CSMD1: variants seen among roughly 807,000 people sequenced by gnomAD.
The protein encoded by CSMD1 is CUB and Sushi multiple domains 1.
CSMD1 carries 213 observed loss-of-function variants against 417.5 expected under a neutral mutation model. The observed-to-expected ratio is 0.51, with a 90% CI of 0.46 to 0.57. The LOEUF is 0.57. Among genes scored for constraint, CSMD1 ranks in the 20% least tolerant of loss-of-function variants. The pLI, the probability that CSMD1 is intolerant of heterozygous loss-of-function variation, is 0.00. For missense variants in CSMD1, 6,923 were observed against 4,529.7 expected, an observed-to-expected ratio of 1.53 and a Z score of -15.17; for synonymous variants, 2,862 against 1,736.8, an observed-to-expected ratio of 1.65 and a Z score of -16.11.
intron 3 of CSMD1, among the ~76,000 whole-genome samples, chr8:4,102,687 C>G (rs897065917): frequency 6.6e-6 from 1 of 152,148 alleles, no homozygotes; most frequent in Non-Finnish European, 1.5e-5. Flanking sequence ...AGGACATTTA[C>G]TGATAATGTT....
Position 3,015,558 on chromosome 8 carries a change from T to C in CSMD1, c.8029+2919A>G, listed in dbSNP as rs141600862. ...CTTATGAATACCCATCTCATAACAA[T>C]AGTAAACAAAAAAAAGGACCCAAAC... On this transcript the variant is annotated intron_variant, in intron 52 of 69. Transcript: ENST00000635120. Among the ~76,000 whole-genome samples, 668 of 151,998 alleles carry C rather than the reference T, an allele frequency of 4.4e-3. 4 individuals carry two copies. The highest frequency in any genetic ancestry group is 7.7e-3 in the Non-Finnish European group (525 of 67,960).
chr8:4,804,449 T>A (rs1318932793), intron 1 of CSMD1, among the ~76,000 whole-genome samples: 3 of 151,286 alleles, frequency 2.0e-5, no homozygotes, highest in Non-Finnish European at 4.4e-5. Context: ...TATACAGACT[T>A]CGGTGTAGAT....
intron 6 of CSMD1, among the ~76,000 whole-genome samples, chr8:3,747,955 C>T (rs1563336594): frequency 6.6e-6 from 1 of 152,024 alleles, no homozygotes; most frequent in African/African-American, 2.4e-5. Context: ...ACTTTTCTTC[C>T]GTTTGTCTAG....
At chr8:4,447,293 G>C (rs1034714032) in intron 2 of CSMD1, among the ~76,000 whole-genome samples, 1 of 152,160 alleles carries the variant, frequency 6.6e-6, no homozygotes, top group Non-Finnish European at 1.5e-5. Flanking sequence ...GTCTGAGGCA[G>C]ACCGTGATCA....
intron 2 of CSMD1, among the ~76,000 whole-genome samples, chr8:4,457,378 C>T (rs991964785): frequency 1.3e-5 from 2 of 152,000 alleles, no homozygotes; most frequent in African/African-American, 2.4e-5. Context: ...TGGGGCTTCC[C>T]GAGGTCTGGA....
At chr8:4,130,377 C>T (rs1585380756) in intron 3 of CSMD1, among the ~76,000 whole-genome samples, 1 of 152,200 alleles carries the variant, frequency 6.6e-6, no homozygotes, top group East Asian at 1.9e-4. Flanking sequence ...ATCCTAATTC[C>T]TTGTAAAATA....
intron 7 of CSMD1, among the ~76,000 whole-genome samples, chr8:3,667,112 T>C (rs1798734103): frequency 2.0e-5 from 3 of 152,248 alleles, no homozygotes; most frequent in East Asian, 3.9e-4. Flanking sequence ...CTTGTAGGCA[T>C]TAGGGATACA....
intron 1 of CSMD1, among the ~76,000 whole-genome samples, chr8:4,856,154 C>A (rs922485003): frequency 1.3e-5 from 2 of 149,502 alleles, no homozygotes; most frequent in African/African-American, 2.5e-5. Context: ...ATTTCATATC[C>A]AGCCAAACTA....
At chr8:4,341,280 C>G (rs1035447729) in intron 3 of CSMD1, among the ~76,000 whole-genome samples, 1 of 152,048 alleles carries the variant, frequency 6.6e-6, no homozygotes, top group African/African-American at 2.4e-5. Context: ...GTCATATGGG[C>G]ATATTTCAGG....
At chr8:3,778,466 C>T (rs1799010414) in intron 5 of CSMD1, among the ~76,000 whole-genome samples, 1 of 152,214 alleles carries the variant, frequency 6.6e-6, no homozygotes, top group Non-Finnish European at 1.5e-5. Context: ...CCTCGCCTTA[C>T]AAGGGTTCCT....
chr8:3,184,622 T>C (rs916813998), intron 36 of CSMD1, among the ~76,000 whole-genome samples: 3 of 152,234 alleles, frequency 2.0e-5, no homozygotes, highest in African/African-American at 7.2e-5. Flanking sequence ...TGCTTGCACA[T>C]TTTATTTCTA....
At chr8:4,457,746 C>A (rs983498223) in intron 2 of CSMD1, among the ~76,000 whole-genome samples, 2 of 152,262 alleles carry the variant, frequency 1.3e-5, no homozygotes, top group South Asian at 2.1e-4. Context: ...GTATGGGATC[C>A]AGCAGCATAG....
At chr8:4,989,245 A>G (rs1811341343) in intron 1 of CSMD1, among the ~76,000 whole-genome samples, 1 of 152,128 alleles carries the variant, frequency 6.6e-6, no homozygotes. Context: ...TCTTTGGCTC[A>G]GGTTGCATAT....
At chr8:4,788,495 C>A (rs1439765285) in intron 1 of CSMD1, 16 of 1,350,446 alleles carry the variant, frequency 1.2e-5, no homozygotes, top group Non-Finnish European at 1.5e-5. Context: ...GGTAGACAAC[C>A]ATTTAGTATG....
chr8:3,297,968 T>C (rs1453905817), intron 25 of CSMD1, among the ~76,000 whole-genome samples: 1 of 152,084 alleles, frequency 6.6e-6, no homozygotes, highest in African/African-American at 2.4e-5. Context: ...AAAGAGGATA[T>C]TCAAAAGGCC....
At chr8:2,957,604 A>C in intron 63 of CSMD1, 92 bp downstream of exon 63, 1 of 892,076 alleles carries the variant, frequency 1.1e-6, no homozygotes, top group East Asian at 2.7e-5. Context: ...AATTAAAAAC[A>C]ATTTCTCATT....
At chr8:3,438,264 T>G (rs1814704645) in intron 12 of CSMD1, among the ~76,000 whole-genome samples, 1 of 152,220 alleles carries the variant, frequency 6.6e-6, no homozygotes, top group Non-Finnish European at 1.5e-5. Context: ...TACAAAGATC[T>G]TGTGTAACCT....
chr8:4,218,300 T>A (rs1219523870), intron 3 of CSMD1, among the ~76,000 whole-genome samples: 2 of 152,242 alleles, frequency 1.3e-5, no homozygotes, highest in Admixed American at 1.3e-4. Flanking sequence ...GACTTTCCTA[T>A]ACTGTGAATT....
intron 3 of CSMD1, among the ~76,000 whole-genome samples, chr8:4,283,804 T>C (rs1224639026): frequency 6.6e-6 from 1 of 152,322 alleles, no homozygotes; most frequent in East Asian, 1.9e-4. Flanking sequence ...AAAATCCGCT[T>C]TACCCACCTA....
Sources: allele counts gnomAD v4.1 joint callset (sites outside exome capture counted in the v4.1 genomes callset), GRCh38; gene constraint gnomAD v4.1.1; transcripts MANE v1.5; gene names NCBI Gene and HGNC (gene_info 2026-07-23, HGNC 2026-07-21).